Variants in TCF19 observed in about 807,000 individuals in gnomAD.
TCF19 encodes the protein transcription factor 19.
Under a neutral mutation model 18.3 loss-of-function variants are expected in TCF19, and 9 were observed. The observed-to-expected ratio is 0.49, with a 90% CI of 0.30 to 0.86. The LOEUF is 0.86. TCF19 is among the 40% of genes least tolerant of loss of function. The probability of loss-of-function intolerance (pLI) is 0.07; values close to 1 mark genes in which losing one functional copy is unlikely to be tolerated. For synonymous variants in TCF19, 176 were observed against 185.3 expected, an observed-to-expected ratio of 0.95 and a Z score of 0.41; for missense variants, 376 against 464.3, an observed-to-expected ratio of 0.81 and a Z score of 1.75.
Position 31,162,098 on chromosome 6 carries a change from G to T in TCF19, c.797+93G>T. 6.6e-6 allele frequency: 9 copies of T among 1,369,586 alleles called. No homozygotes were observed. The highest frequency in any genetic ancestry group is 8.8e-6 in the Non-Finnish European group (9 of 1,019,298). The allele number at this position is 1,369,586 out of a possible 1,614,324, so 84.8% of individuals were successfully genotyped here. On this transcript the variant is annotated intron_variant, in intron 3 of 3. Transcript: ENST00000376257. This position sits in a 1 kb window ranked among gnomAD's most constrained non-coding sequence, Gnocchi z 4.5. ...GTGAGGAGGTCCCCCTGCCTGGGGG[G>T]ATGGGCACGGGAGGTGGAATAGATG...
chr6:31,161,166 AAAGAAAG>A (rs1776745696), intron 2 of TCF19, among the ~76,000 whole-genome samples: 2 of 31,800 alleles, frequency 6.3e-5, no homozygotes, highest in Non-Finnish European at 1.2e-4. Flanking sequence ...AAAAAAAAAA[AAAGAAAG>A]AAAGAAAAAA....
Position 31,161,685 on chromosome 6 carries a change from A to G in TCF19, c.477A>G (p.Pro159=). ...FRPMLPSQGA[P]QRPLSTFSPA... ...CTATGCTGCCCTCCCAGGGGGCTCC[A>G]CAGCGGCCTCTCAGCACCTTCTCCC... The change falls in exon 3 of 4, where the codon CCA becomes CCG. Residue 159 remains proline (P), a synonymous_variant. Coordinates refer to ENST00000376257, the MANE Select transcript of TCF19 (RefSeq NM_007109.3). 2.0e-6 allele frequency: 3 copies of G among 1,533,778 alleles called. No homozygotes were observed. The highest frequency in any genetic ancestry group is 2.6e-6 in the Non-Finnish European group (3 of 1,140,400).
In TCF19 at chr6:31,161,581, C is replaced by T. The variant is rs1323793871; in HGVS notation, c.373C>T (p.Arg125Ter). Reference protein sequence around the residue: ...SEFYFMFQQVRVKPQDFAAIT... With the variant: ...SEFYFMFQQV Reference sequence around the variant, plus strand: ...GTTCTACTTCATGTTCCAACAAGTACGAGTCAAGCCTCAGGACTTTGCTGC... The same window carrying T: ...GTTCTACTTCATGTTCCAACAAGTATGAGTCAAGCCTCAGGACTTTGCTGC... The change falls in exon 3 of 4, where the codon CGA (arginine) becomes TGA (stop). Residue 125 changes from arginine (R) to a stop codon, truncating the protein, a stop_gained. Transcript: ENST00000376257. LOFTEE classifies it high-confidence loss of function. 3.1e-6 allele frequency: 5 copies of T among 1,594,170 alleles called. No individual in the cohort carries two copies. The highest frequency in any genetic ancestry group is 1.4e-5 in the African/African-American group (1 of 73,996).
chr6:31,161,904 G>A lies in TCF19; in HGVS notation c.696G>A (p.Ala232=), dbSNP rs1231117209. Residue 232 remains alanine (A), a synonymous_variant, in exon 3 of 4, where the codon GCG becomes GCA. Transcript: ENST00000376257. The stretch of plus-strand genomic sequence containing the variant: ...GGAAATCTGTTCACCGAGTGTTGGC[G>A]GAACTGGATGATGAGAGTGAGCCTC... ...NRRKSVHRVL[A]ELDDESEPPE... 2.4e-5 allele frequency: 38 copies of A among 1,612,888 alleles called. No individual in the cohort carries two copies. Among genetic ancestry groups the A allele is most frequent in the African/African-American group, 4.0e-5 (3 of 74,936 alleles).
rs909343904 is a variant in TCF19, at chr6:31,164,006, TG to T, written c.*1293del. On this transcript the variant is annotated 3_prime_UTR_variant, in exon 4 of 4. Coordinates refer to ENST00000376257, the MANE Select transcript of TCF19 (RefSeq NM_007109.3). ...CAAAGTATTAATAGAAGTTTCTGGT[TG>T]GGGTGATCTAGGTTCAACAGAAATA... The T allele has an allele frequency of 4.0e-6, 4 of 991,176 alleles. No homozygotes were observed. The highest frequency in any genetic ancestry group is 4.8e-6 in the Non-Finnish European group (4 of 833,536). The allele number at this position is 991,176 out of a possible 1,614,324, so 61.4% of individuals were successfully genotyped here.
In TCF19 at chr6:31,159,629, T is replaced by C. The variant is rs1369564184; in HGVS notation, c.160T>C (p.Ser54Pro). Residue 54 changes from serine (S) to proline (P), a missense_variant, in exon 2 of 4, where the codon TCT becomes CCT. Ser to Pro is a moderately conservative substitution (Grantham distance 74, BLOSUM62 -1). Transcript: ENST00000376257. ...GCCCCAGCAGGAGCCTGGCCTCATC[T>C]CTGGGATCCACGCCGAACTGCATGC... ...LRPQQEPGLI[S>P]GIHAELHAEP... 10 of 1,613,878 alleles carry C rather than the reference T, an allele frequency of 6.2e-6. No homozygotes were observed. Among genetic ancestry groups the C allele is most frequent in the Non-Finnish European group, 8.5e-6 (10 of 1,180,034 alleles).
In TCF19 at chr6:31,162,168, G is replaced by A. The variant is rs1776828946; in HGVS notation, c.797+163G>A. Among the ~76,000 whole-genome samples the A allele has an allele frequency of 6.6e-6, 1 of 152,314 alleles. No individual in the cohort carries two copies. Among genetic ancestry groups the A allele is most frequent in the Non-Finnish European group, 1.5e-5 (1 of 68,032 alleles). On this transcript the variant is annotated intron_variant, in intron 3 of 3. Transcript: ENST00000376257. This position sits in a 1 kb window ranked among gnomAD's most constrained non-coding sequence, Gnocchi z 4.5. ...AGCTCTGATAGGAAAAGAAAAATAT[G>A]TGCAGGAGAACATGAGAGGTGGGGT...
At position 31,161,751 on chromosome 6, in the gene TCF19, C is replaced by T. The variant is rs1776794557; in HGVS notation, c.543C>T (p.Ser181=). 3.1e-6 allele frequency: 5 copies of T among 1,589,794 alleles called. No individual in the cohort carries two copies. Among genetic ancestry groups the T allele is most frequent in the Non-Finnish European group, 4.3e-6 (5 of 1,168,056 alleles). The change falls in exon 3 of 4, where the codon AGC becomes AGT. Residue 181 remains serine (S), a synonymous_variant. Transcript: ENST00000376257. ...CACTGATCCTAAACTCCATAGGCAG[C>T]CTCAGCAAGCTCCGGCCCCAGCCCC... ...KATLILNSIG[S]LSKLRPQPLT...
chr6:31,163,248 C>T lies in TCF19; in HGVS notation c.*531C>T. ...ACAAGCCGCTTCATTCACTCCTGGG[C>T]ATTTACTCTTCTTGTGGGTCTGTGA... On this transcript the variant is annotated 3_prime_UTR_variant, in exon 4 of 4. Transcript: ENST00000376257. 1 of 990,066 alleles carries T rather than the reference C, an allele frequency of 1.0e-6. No individual in the cohort carries two copies. Among genetic ancestry groups the T allele is most frequent in the Non-Finnish European group, 1.2e-6 (1 of 832,610 alleles). 61.3% of individuals were successfully genotyped at this position (990,066 alleles called of 1,614,324 possible).
Position 31,161,168 on chromosome 6 carries a change from AGAAAG to A in TCF19, c.239-278_239-274del, listed in dbSNP as rs1396721143. Among the ~76,000 whole-genome samples, 207 of 32,376 alleles carry A rather than the reference AGAAAG, an allele frequency of 6.4e-3. 3 individuals carry two copies. The highest frequency in any genetic ancestry group is 0.064 in the South Asian group (81 of 1,272). 21.2% of individuals were successfully genotyped at this position (32,376 alleles called of 152,430 possible). Reference sequence around the variant, plus strand: ...AACTCCATCTCAAAAAAAAAAAAAAAGAAAGAAAGAAAAAAAAAGAAGAAAGAAAG... The same window carrying A: ...AACTCCATCTCAAAAAAAAAAAAAAAAAAGAAAAAAAAAGAAGAAAGAAAG... On this transcript the variant is annotated intron_variant, in intron 2 of 3. Coordinates refer to ENST00000376257, the MANE Select transcript of TCF19 (RefSeq NM_007109.3).
Position 31,163,549 on chromosome 6 carries a change from A to C in TCF19, c.*832A>C. 1.0e-6 allele frequency: 1 copy of C among 985,454 alleles called. No homozygotes were observed. The highest frequency in any genetic ancestry group is 1.7e-5 in the African/African-American group (1 of 57,378). The allele number at this position is 985,454 out of a possible 1,614,324, so 61.0% of individuals were successfully genotyped here. A position where few individuals can be genotyped will look rare whatever the true frequency, so the allele number is the denominator to read the frequency against. ...TCACCTGTACTGTCAGGGCAAGAGAAAGCCTGGTAAACCAGCTACAGCAGT... is the reference window on the plus strand; with the variant it reads ...TCACCTGTACTGTCAGGGCAAGAGACAGCCTGGTAAACCAGCTACAGCAGT... On this transcript the variant is annotated 3_prime_UTR_variant, in exon 4 of 4. Coordinates refer to ENST00000376257, the MANE Select transcript of TCF19 (RefSeq NM_007109.3).
Position 31,162,364 on chromosome 6 carries a change from C to A in TCF19, c.798-113C>A. The A allele has an allele frequency of 6.9e-7, 1 of 1,440,834 alleles. No individual in the cohort carries two copies. Among genetic ancestry groups the A allele is most frequent in the Non-Finnish European group, 9.4e-7 (1 of 1,068,918 alleles). The allele number at this position is 1,440,834 out of a possible 1,614,324, so 89.3% of individuals were successfully genotyped here. ...GACAGAGTCCAGGCTCACCTTAGTTCTCAGACCACTGTGCCTCTGTGGCCT... is the reference window on the plus strand; with the variant it reads ...GACAGAGTCCAGGCTCACCTTAGTTATCAGACCACTGTGCCTCTGTGGCCT... On this transcript the variant is annotated intron_variant, in intron 3 of 3. Transcript: ENST00000376257. This position sits in a 1 kb window ranked among gnomAD's most constrained non-coding sequence, Gnocchi z 4.5.
In TCF19 at chr6:31,162,017, C is replaced by A; in HGVS notation, c.797+12C>A. 6.3e-7 allele frequency: 1 copy of A among 1,588,916 alleles called. No individual in the cohort carries two copies. Among genetic ancestry groups the A allele is most frequent in the South Asian group, 1.1e-5 (1 of 88,118 alleles). Reference sequence around the variant, plus strand: ...CTGACTCCCACTGGGTAAGTGGAGTCCTCACTTGGCCCTCTCAGTGTTTTA... The same window carrying A: ...CTGACTCCCACTGGGTAAGTGGAGTACTCACTTGGCCCTCTCAGTGTTTTA... On this transcript the variant is annotated intron_variant, in intron 3 of 3. Transcript: ENST00000376257. This position sits in a 1 kb window ranked among gnomAD's most constrained non-coding sequence, Gnocchi z 4.5.
Position 31,159,258 on chromosome 6 carries a change from G to A in TCF19, c.-212G>A, listed in dbSNP as rs964838868. On this transcript the variant is annotated 5_prime_UTR_variant, in exon 2 of 4. Transcript: ENST00000376257. ...CCTTCCTGGAATTTTTCATTTGCAAGTCGGCTTAACCAATTTTGCATTGAG... is the reference window on the plus strand; with the variant it reads ...CCTTCCTGGAATTTTTCATTTGCAAATCGGCTTAACCAATTTTGCATTGAG... 3 of 525,034 alleles carry A rather than the reference G, an allele frequency of 5.7e-6. No individual in the cohort carries two copies. In the African/African-American group the frequency reaches 5.8e-5, roughly 10 times the overall value. The allele number at this position is 525,034 out of a possible 1,614,324, so 32.5% of individuals were successfully genotyped here.
intron 2 of TCF19, among the ~76,000 whole-genome samples, chr6:31,160,489 C>T (rs1227261786): frequency 6.6e-6 from 1 of 152,070 alleles, no homozygotes; most frequent in Admixed American, 6.5e-5. Context: ...GGCACGGTGG[C>T]TCACGCCTGT....
In TCF19 at chr6:31,162,519, C is replaced by T; in HGVS notation, c.840C>T (p.Pro280=). The T allele has an allele frequency of 6.2e-7, 1 of 1,612,576 alleles. No homozygotes were observed. The highest frequency in any genetic ancestry group is 8.5e-7 in the Non-Finnish European group (1 of 1,179,892). The stretch of plus-strand genomic sequence containing the variant: ...CTCGGAAGTACCCAGTGAGCGCTCC[C>T]ATGGCTCCCCCTGCAGTTGGGGGCG... ...GRPRKYPVSA[P]MAPPAVGGGE... Residue 280 remains proline (P), a synonymous_variant, in exon 4 of 4, where the codon CCC becomes CCT. Transcript: ENST00000376257. The surrounding 1 kb of genome is among the most constrained non-coding windows in gnomAD (Gnocchi z 4.5).
chr6:31,162,704 G>T lies in TCF19; in HGVS notation c.1025G>T (p.Gly342Val), dbSNP rs1190633671. 1.9e-6 allele frequency: 3 copies of T among 1,611,288 alleles called. No homozygotes were observed. The highest frequency in any genetic ancestry group is 2.2e-5 in the East Asian group (1 of 44,872). Residue 342 changes from glycine (G) to valine (V), a missense_variant, in exon 4 of 4, where the codon GGC (glycine) becomes GTC (valine). Physicochemically the swap from Gly to Val is moderately radical, Grantham distance 109 (BLOSUM62 -3). Transcript: ENST00000376257. The surrounding 1 kb of genome is among the most constrained non-coding windows in gnomAD (Gnocchi z 4.5). ...ADFRCPGCRAGIQT is the reference protein window; with the variant it reads ...ADFRCPGCRAVIQT ...TTCCGATGCCCAGGGTGCCGGGCTG[G>T]CATTCAGACCTAAGGTCCACTGCCA...
rs1302694010 is a variant in TCF19, at chr6:31,162,309, G to A, written c.798-168G>A. On this transcript the variant is annotated intron_variant, in intron 3 of 3. Coordinates refer to ENST00000376257, the MANE Select transcript of TCF19 (RefSeq NM_007109.3). This position sits in a 1 kb window ranked among gnomAD's most constrained non-coding sequence, Gnocchi z 4.5. ...GGGAACTTTCAGGCTCATACTAGAG[G>A]TTTTTAGGCCCACCCTATGTGTTTT... Among the ~76,000 whole-genome samples the A allele has an allele frequency of 2.0e-5, 3 of 152,096 alleles. No individual in the cohort carries two copies. Among genetic ancestry groups the A allele is most frequent in the Non-Finnish European group, 4.4e-5 (3 of 68,002 alleles).
At position 31,159,432 on chromosome 6, in the gene TCF19, C is replaced by T. The variant is rs1232204564; in HGVS notation, c.-38C>T. 1 of 1,491,788 alleles carries T rather than the reference C, an allele frequency of 6.7e-7. No individual in the cohort carries two copies. The highest frequency in any genetic ancestry group is 9.0e-7 in the Non-Finnish European group (1 of 1,108,434). The allele number at this position is 1,491,788 out of a possible 1,614,324, so 92.4% of individuals were successfully genotyped here. Reference sequence around the variant, plus strand: ...CCAGGAGTGGGAAAGGAAATGGATGCCTGAAGTGGAAGAGGTGGTGCAGAG... The same window carrying T: ...CCAGGAGTGGGAAAGGAAATGGATGTCTGAAGTGGAAGAGGTGGTGCAGAG... On this transcript the variant is annotated 5_prime_UTR_variant, in exon 2 of 4. Transcript: ENST00000376257.
Sources: allele counts gnomAD v4.1 joint callset (sites outside exome capture counted in the v4.1 genomes callset), GRCh38; gene constraint gnomAD v4.1.1; non-coding constraint Gnocchi (gnomAD v3.1); transcripts MANE v1.5; gene names NCBI Gene and HGNC (gene_info 2026-07-23, HGNC 2026-07-21).